PRPSAP2: variants seen among roughly 807,000 people sequenced by gnomAD.
PRPSAP2 encodes phosphoribosyl pyrophosphate synthase-associated protein 2.
In PRPSAP2, 24 loss-of-function variants were observed where a neutral mutation model predicts 40.6. That is an observed-to-expected ratio of 0.59 (90% confidence interval 0.43 to 0.83). The LOEUF (loss-of-function observed/expected upper bound fraction) is 0.83. Among genes scored for constraint, PRPSAP2 ranks in the 40% least tolerant of loss-of-function variants. The pLI is 0.00. For synonymous variants in PRPSAP2, 149 were observed against 164.7 expected (o/e 0.90, Z 0.73); for missense variants, 292 against 465.6 (o/e 0.63, Z 3.43).
chr17:18,881,678 C>T (rs1241283202), intron 6 of PRPSAP2, among the ~76,000 whole-genome samples: 2 of 147,362 alleles, frequency 1.4e-5, no homozygotes, highest in Non-Finnish European at 3.0e-5. Flanking sequence ...TCTGGGACTA[C>T]AGATGTGCGC....
chr17:18,875,082 C>G (rs1389833450), intron 5 of PRPSAP2, among the ~76,000 whole-genome samples: 3 of 152,112 alleles, frequency 2.0e-5, no homozygotes, highest in Non-Finnish European at 4.4e-5. Context: ...TATCCTGTGC[C>G]CCTGTCTTTT....
chr17:18,868,952 G>A (rs530785553), intron 4 of PRPSAP2, among the ~76,000 whole-genome samples: 1 of 152,016 alleles, frequency 6.6e-6, no homozygotes, highest in Non-Finnish European at 1.5e-5. Context: ...GTTTATCTCC[G>A]TTCCTGCCTC....
At chr17:18,897,678 G>A (rs1214435462) in intron 8 of PRPSAP2, among the ~76,000 whole-genome samples, 4 of 152,124 alleles carry the variant, frequency 2.6e-5, no homozygotes, top group Admixed American at 6.6e-5. Context: ...GGCCAGGCTG[G>A]TCTGGAATTC....
At chr17:18,883,798 A>G (rs1470859485) in intron 7 of PRPSAP2, among the ~76,000 whole-genome samples, 3 of 152,186 alleles carry the variant, frequency 2.0e-5, no homozygotes, top group Non-Finnish European at 4.4e-5. Context: ...TACTGTATTT[A>G]AAAGATGGCA....
chr17:18,893,740 T>C (rs2039730790), intron 8 of PRPSAP2, among the ~76,000 whole-genome samples: 1 of 152,112 alleles, frequency 6.6e-6, no homozygotes, highest in Non-Finnish European at 1.5e-5. Context: ...TTTGTGTTTT[T>C]AGTAGAGACG....
intron 9 of PRPSAP2, among the ~76,000 whole-genome samples, chr17:18,916,216 G>A (rs1031036417): frequency 6.6e-6 from 1 of 152,070 alleles, no homozygotes; most frequent in South Asian, 2.1e-4. Context: ...TAGCAATACA[G>A]TCTTTTTCTA....
intron 8 of PRPSAP2, among the ~76,000 whole-genome samples, chr17:18,899,633 A>G (rs981758081): frequency 6.9e-6 from 1 of 144,970 alleles, no homozygotes; most frequent in Non-Finnish European, 1.5e-5. Context: ...GGCTCAAGCA[A>G]TCCTCCCACA....
chr17:18,859,750 T>A (rs1276536370), intron 1 of PRPSAP2: 1 of 152,360 alleles, frequency 6.6e-6, no homozygotes, highest in East Asian at 1.9e-4. Flanking sequence ...TAAGTTTTTT[T>A]ATTTTTATTT....
At chr17:18,910,337 G>A (rs1406695007) in intron 8 of PRPSAP2, among the ~76,000 whole-genome samples, 1 of 152,128 alleles carries the variant, frequency 6.6e-6, no homozygotes, top group Admixed American at 6.6e-5. Flanking sequence ...CAGGAGAATC[G>A]CTTGAACCCG....
intron 6 of PRPSAP2, among the ~76,000 whole-genome samples, chr17:18,878,542 G>A (rs1201945233): frequency 6.6e-6 from 1 of 152,012 alleles, no homozygotes; most frequent in African/African-American, 2.4e-5. Context: ...TTGTATAAGT[G>A]TATATGATTT....
chr17:18,905,748 T>A (rs748145447), intron 8 of PRPSAP2, among the ~76,000 whole-genome samples: 1 of 152,108 alleles, frequency 6.6e-6, no homozygotes, highest in Non-Finnish European at 1.5e-5. Context: ...ACCCGGCTAA[T>A]TTGTTTGTGT....
intron 6 of PRPSAP2, among the ~76,000 whole-genome samples, chr17:18,881,123 C>T (rs2038697508): frequency 1.3e-5 from 2 of 151,272 alleles, no homozygotes; most frequent in Admixed American, 1.3e-4. Flanking sequence ...TGTGAGCCAT[C>T]GCACCTGACC....
At chr17:18,860,764 G>A (rs1037036) in intron 1 of PRPSAP2, 44,277 of 152,112 alleles carry the variant, frequency 0.29, 7,596 homozygotes, top group Non-Finnish European at 0.39. Context: ...TGAAATGTGG[G>A]TGAGTGGTTT....
rs58195806 is a variant in PRPSAP2, at chr17:18,869,838, T to TGTGTGTGTGTGTGTGTGTGTG, written c.172+2504_172+2505insGTGTGTGTGTGTGTGTGTGTG. On this transcript the variant is annotated intron_variant, in intron 4 of 11. Transcript: ENST00000268835. ...CAATCTGTTCCCATTTTGCTACTTT[T>TGTGTGTGTGTGTGTGTGTGTG]TTTTTGTGTGTGTGTGTGTGTGTGT... Among the ~76,000 whole-genome samples, 448 of 139,368 alleles carry TGTGTGTGTGTGTGTGTGTGTG rather than the reference T, an allele frequency of 3.2e-3. 1 individual carries two copies. The highest frequency in any genetic ancestry group is 0.011 in the African/African-American group (383 of 35,772). The allele number at this position is 139,368 out of a possible 152,430, so 91.4% of individuals were successfully genotyped here.
At chr17:18,900,388 A>G (rs910586054) in intron 8 of PRPSAP2, among the ~76,000 whole-genome samples, 8 of 151,768 alleles carry the variant, frequency 5.3e-5, no homozygotes, top group African/African-American at 1.9e-4. Flanking sequence ...CTTGTTTTTT[A>G]TTTCACACAT....
At chr17:18,860,273 C>T (rs2036905831) in intron 1 of PRPSAP2, among the ~76,000 whole-genome samples, 1 of 151,134 alleles carries the variant, frequency 6.6e-6, no homozygotes, top group Admixed American at 6.6e-5. Context: ...CCAGGCTGGT[C>T]TCGAACTCCT....
At chr17:18,863,212 C>G (rs2037171176) in intron 1 of PRPSAP2, among the ~76,000 whole-genome samples, 1 of 151,996 alleles carries the variant, frequency 6.6e-6, no homozygotes, top group African/African-American at 2.4e-5. Context: ...AATCATGGCT[C>G]ATTGCAGCCC....
chr17:18,892,106 C>T (rs752024557), intron 8 of PRPSAP2, among the ~76,000 whole-genome samples: 13 of 152,316 alleles, frequency 8.5e-5, no homozygotes, highest in African/African-American at 1.4e-4. Flanking sequence ...CTGCCTGCCT[C>T]GGCCTCCCAA....
chr17:18,860,412 T>C (rs1321215506), intron 1 of PRPSAP2: 1 of 152,232 alleles, frequency 6.6e-6, no homozygotes, highest in Non-Finnish European at 1.5e-5. Context: ...TTGTTAATCA[T>C]TGTGACTCAT....
Sources: gnomAD v4.1 joint callset for allele counts (sites outside exome capture counted in the v4.1 genomes callset) on GRCh38, gnomAD v4.1.1 for gene constraint, MANE v1.5 for transcripts, NCBI Gene and HGNC (gene_info 2026-07-23, HGNC 2026-07-21) for gene names.